Variants in PPP4R4 observed in about 807,000 individuals in gnomAD.
The protein encoded by PPP4R4 is protein phosphatase 4 regulatory subunit 4, also known as serine/threonine-protein phosphatase 4 regulatory subunit 4.
Under a neutral mutation model 121.8 loss-of-function variants are expected in PPP4R4, and 70 were observed. The observed-to-expected ratio is 0.57, with a 90% CI of 0.47 to 0.70. The LOEUF is 0.70. PPP4R4 is among the 30% of genes least tolerant of loss of function. The pLI, the probability that PPP4R4 is intolerant of heterozygous loss-of-function variation, is 0.00. For synonymous variants in PPP4R4, 348 were observed against 355.7 expected (o/e 0.98, Z 0.24); for missense variants, 875 against 1,033.6 (o/e 0.85, Z 2.10).
At chr14:94,199,706 C>G (rs943640456) in intron 2 of PPP4R4, among the ~76,000 whole-genome samples, 2 of 152,156 alleles carry the variant, frequency 1.3e-5, no homozygotes, top group Non-Finnish European at 2.9e-5. Flanking sequence ...AGCCCGCGCT[C>G]TCCTCTGACT....
At chr14:94,252,047 A>G (rs1251170790) in intron 16 of PPP4R4, 151 bp downstream of exon 16, 1 of 618,780 alleles carries the variant, frequency 1.6e-6, no homozygotes, top group East Asian at 3.1e-5. Flanking sequence ...ATTGATGGGC[A>G]TCAGTAAGAC....
At chr14:94,208,389 G>T in intron 2 of PPP4R4, 75 bp from the exon 3 acceptor site, 1 of 1,091,360 alleles carries the variant, frequency 9.2e-7, no homozygotes. Context: ...TTTCCAATTA[G>T]TCCATACTTT....
chr14:94,201,898 C>A (rs1890202285), intron 2 of PPP4R4, among the ~76,000 whole-genome samples: 1 of 150,350 alleles, frequency 6.7e-6, no homozygotes, highest in Admixed American at 6.6e-5. Flanking sequence ...CCCAAATGCC[C>A]ATCAGTCAAT....
In PPP4R4 at chr14:94,222,786, T is replaced by C. The variant is rs539907234; in HGVS notation, c.295-7801T>C. ...CTTTTTGACTCTGTGGCTTATTTTC[T>C]TTGGCCAGTTTTGGAAAATTCTCAG... On this transcript the variant is annotated intron_variant, in intron 3 of 24. Coordinates refer to ENST00000304338, the MANE Select transcript of PPP4R4 (RefSeq NM_058237.2). 9.2e-5 allele frequency among the ~76,000 whole-genome samples: 14 copies of C among 152,146 alleles called. No homozygotes were observed. In the South Asian group the frequency reaches 2.9e-3, roughly 32 times the overall value.
chr14:94,242,410 T>G lies in PPP4R4; in HGVS notation c.1266+2T>G. The G allele has an allele frequency of 6.2e-7, 1 of 1,607,880 alleles. No individual in the cohort carries two copies. Among genetic ancestry groups the G allele is most frequent in the Non-Finnish European group, 8.5e-7 (1 of 1,174,700 alleles). On this transcript the variant is annotated splice_donor_variant, in intron 11 of 24. Transcript: ENST00000304338. LOFTEE classifies it high-confidence loss of function. ...ACTATTGCTATTTGCTTTTATGAAGTAAGTCTGAAGACTTGATATCACTTT... is the reference window on the plus strand; with the variant it reads ...ACTATTGCTATTTGCTTTTATGAAGGAAGTCTGAAGACTTGATATCACTTT...
At chr14:94,217,403 G>A (rs28838118) in intron 3 of PPP4R4, among the ~76,000 whole-genome samples, 1,966 of 152,296 alleles carry the variant, frequency 0.013, 40 homozygotes, top group African/African-American at 0.045. Flanking sequence ...GGACTTAACA[G>A]CCTAGCAGAG....
chr14:94,192,058 AT>A (rs1445988704), intron 2 of PPP4R4, among the ~76,000 whole-genome samples: 1 of 152,162 alleles, frequency 6.6e-6, no homozygotes, highest in Non-Finnish European at 1.5e-5. Context: ...GTGATTATGT[AT>A]GTAAAGTGCC....
chr14:94,175,360 C>T (rs560963271), intron 1 of PPP4R4: 1 of 152,850 alleles, frequency 6.5e-6, no homozygotes, highest in Admixed American at 6.5e-5. Flanking sequence ...GGACCCAGCT[C>T]CCCAATCCCC....
At chr14:94,209,407 G>A (rs1466103442) in intron 3 of PPP4R4, among the ~76,000 whole-genome samples, 2 of 152,052 alleles carry the variant, frequency 1.3e-5, no homozygotes, top group African/African-American at 2.4e-5. Flanking sequence ...TTATTATTGA[G>A]TCCTTGAGTT....
intron 3 of PPP4R4, among the ~76,000 whole-genome samples, chr14:94,216,476 A>G (rs1169666293): frequency 2.0e-5 from 3 of 152,246 alleles, no homozygotes; most frequent in South Asian, 2.1e-4. Context: ...TGTTTAGGAT[A>G]ACTTGTAGCT....
chr14:94,264,913 A>T lies in PPP4R4; in HGVS notation c.2163A>T (p.Gly721=). The change falls in exon 20 of 25, where the codon GGA becomes GGT. Residue 721 remains glycine (G), a synonymous_variant. Coordinates refer to ENST00000304338, the MANE Select transcript of PPP4R4 (RefSeq NM_058237.2). ...QLEKEKQQND[G]RPMSDKMFEK... ...AGAAAGAAAAGCAACAGAATGATGG[A>T]AGGCCCATGAGTGATAAAATGTTTG... 1 of 1,605,304 alleles carries T rather than the reference A, an allele frequency of 6.2e-7. No individual in the cohort carries two copies. Among genetic ancestry groups the T allele is most frequent in the Non-Finnish European group, 8.5e-7 (1 of 1,177,186 alleles).
At chr14:94,202,018 A>G (rs935884399) in intron 2 of PPP4R4, among the ~76,000 whole-genome samples, 3 of 151,982 alleles carry the variant, frequency 2.0e-5, no homozygotes, top group Admixed American at 1.3e-4. Flanking sequence ...AGCAACCTTG[A>G]TGGAGACTAT....
intron 3 of PPP4R4, among the ~76,000 whole-genome samples, chr14:94,215,081 G>A (rs1890951263): frequency 6.6e-6 from 1 of 152,096 alleles, no homozygotes; most frequent in Non-Finnish European, 1.5e-5. Flanking sequence ...CTGGTTACAA[G>A]CATTTGGGAT....
intron 2 of PPP4R4, among the ~76,000 whole-genome samples, chr14:94,184,809 A>C (rs75516070): frequency 2.6e-5 from 4 of 152,190 alleles, no homozygotes; most frequent in African/African-American, 9.6e-5. Flanking sequence ...TACAAAATCT[A>C]TTATACCCTT....
At chr14:94,188,012 T>G (rs1889380254) in intron 2 of PPP4R4, among the ~76,000 whole-genome samples, 1 of 152,178 alleles carries the variant, frequency 6.6e-6, no homozygotes, top group Non-Finnish European at 1.5e-5. Context: ...AGAGATGACT[T>G]GCAGCCTTTC....
chr14:94,215,390 G>C (rs1890967901), intron 3 of PPP4R4, among the ~76,000 whole-genome samples: 2 of 152,098 alleles, frequency 1.3e-5, no homozygotes, highest in African/African-American at 4.8e-5. Context: ...TTCTTCTTTG[G>C]TTTGCAGCTA....
intron 3 of PPP4R4, among the ~76,000 whole-genome samples, chr14:94,218,324 G>A (rs956778643): frequency 6.6e-6 from 1 of 151,880 alleles, no homozygotes; most frequent in South Asian, 2.1e-4. Context: ...GGATAAATGC[G>A]TGCGAGCGCA....
At chr14:94,177,958 G>A (rs1179695748) in intron 2 of PPP4R4, among the ~76,000 whole-genome samples, 3 of 152,172 alleles carry the variant, frequency 2.0e-5, no homozygotes, top group African/African-American at 7.2e-5. Context: ...CTCACAAGGG[G>A]AACACTGGTT....
At position 94,246,461 on chromosome 14, in the gene PPP4R4, C is replaced by T. The variant is rs138816117; in HGVS notation, c.1533C>T (p.Ala511=). 4.1e-4 allele frequency: 665 copies of T among 1,613,840 alleles called. No homozygotes were observed. Among genetic ancestry groups the T allele is most frequent in the Non-Finnish European group, 5.3e-4 (623 of 1,179,868 alleles). Reference sequence around the variant, plus strand: ...ATGAGAAGCTACTTCAGAAATATGCCTGCCTGCCACATGTCATATCAAGCG... The same window carrying T: ...ATGAGAAGCTACTTCAGAAATATGCTTGCCTGCCACATGTCATATCAAGCG... ...RTHEKLLQKY[A]CLPHVISSDQ... Residue 511 remains alanine (A), a synonymous_variant, in exon 14 of 25, where the codon GCC becomes GCT. Coordinates refer to ENST00000304338, the MANE Select transcript of PPP4R4 (RefSeq NM_058237.2).
Sources: gnomAD v4.1 joint callset for allele counts (sites outside exome capture counted in the v4.1 genomes callset) on GRCh38, gnomAD v4.1.1 for gene constraint, MANE v1.5 for transcripts, NCBI Gene and HGNC (gene_info 2026-07-23, HGNC 2026-07-21) for gene names.